The following ZNF607 variants were observed in gnomAD, a reference collection of about 807,000 sequenced individuals.
The protein encoded by ZNF607 is zinc finger protein 607.
ZNF607 carries 5 observed loss-of-function variants against 12.8 expected under a neutral mutation model. That is an observed-to-expected ratio of 0.39 (90% CI 0.20 to 0.82). The LOEUF is 0.82. Among genes scored for constraint, ZNF607 ranks in the 40% least tolerant of loss-of-function variants. The probability of loss-of-function intolerance (pLI) is 0.39; values close to 1 mark genes in which losing one functional copy is unlikely to be tolerated. For synonymous variants in ZNF607, 287 were observed against 276.2 expected, an observed-to-expected ratio of 1.04 and a Z score of -0.39; for missense variants, 851 against 859.2, an observed-to-expected ratio of 0.99 and a Z score of 0.12.
intron 1 of ZNF607, among the ~76,000 whole-genome samples, chr19:37,715,628 ATAAG>A (rs1002453217): frequency 2.0e-5 from 3 of 151,882 alleles, no homozygotes; most frequent in African/African-American, 7.3e-5. Flanking sequence ...AGATGATCAG[ATAAG>A]TAAGGAGAAA....
rs761246935 is a variant in ZNF607, at chr19:37,709,696, C to G, written c.136G>C (p.Ala46Pro). 4 of 1,612,642 alleles carry G rather than the reference C, an allele frequency of 2.5e-6. No homozygotes were observed. Among genetic ancestry groups the G allele is most frequent in the Middle Eastern group, 1.7e-4 (1 of 6,054 alleles). ...AATCATTCCAGGTTGATAAACATAC[C>G]CAATGAGACTAAGTTGTCATAGTTC... ...MENYDNLVSL[A>P]GHSVSKPDLI... Residue 46 changes from alanine to proline, a missense_variant and splice_region_variant, in exon 3 of 5, where the codon GCA becomes CCA. Transcript: ENST00000355202.
At position 37,707,945 on chromosome 19, in the gene ZNF607, A is replaced by G; in HGVS notation, c.204T>C (p.Ile68=). 6.2e-7 allele frequency: 1 copy of G among 1,613,906 alleles called. No individual in the cohort carries two copies. The highest frequency in any genetic ancestry group is 8.5e-7 in the Non-Finnish European group (1 of 1,179,902). The change falls in exon 4 of 5, where the codon ATT becomes ATC. Residue 68 remains isoleucine (I), a synonymous_variant. Coordinates refer to ENST00000355202, the MANE Select transcript of ZNF607 (RefSeq NM_032689.5). Reference sequence around the variant, plus strand: ...ACTCTCCTCTTGTTTCTTCCCTCACAATCATCCATGGCTCTTTTCCTTGCT... The same window carrying G: ...ACTCTCCTCTTGTTTCTTCCCTCACGATCATCCATGGCTCTTTTCCTTGCT... ...LLEQGKEPWM[I]VREETRGECT... is the part of the protein sequence containing the mutation.
chr19:37,699,417 T>A lies in ZNF607; in HGVS notation c.714A>T (p.Gly238=). The A allele has an allele frequency of 6.2e-7, 1 of 1,614,156 alleles. No individual in the cohort carries two copies. The highest frequency in any genetic ancestry group is 8.5e-7 in the Non-Finnish European group (1 of 1,180,002). ...KECGKAFSVY[G]RLSRHQSIHT... The stretch of plus-strand genomic sequence containing the variant: ...GAATACTCTGATGTCGACTAAGTCG[T>A]CCATACACACTAAAGGCCTTGCCAC... Residue 238 remains glycine (G), a synonymous_variant, in exon 5 of 5, where the codon GGA becomes GGT. Transcript: ENST00000355202.
In ZNF607 at chr19:37,698,245, G is replaced by A. The variant is rs1482713665; in HGVS notation, c.1886C>T (p.Ala629Val). 2 of 1,614,010 alleles carry A rather than the reference G, an allele frequency of 1.2e-6. No individual in the cohort carries two copies. The highest frequency in any genetic ancestry group is 2.7e-5 in the African/African-American group (2 of 74,908). Residue 629 changes from alanine to valine, a missense_variant, in exon 5 of 5, where the codon GCC becomes GTC. By Grantham distance (64) the Ala-to-Val change is moderately conservative. Transcript: ENST00000355202. ...GCTTTCATGTCTAACAAGATATGAG[G>A]CACAGTGAAATGCCTTCCCACATCT... is the stretch of plus-strand genomic sequence containing the variant. ...CKRCGKAFHC[A>V]SYLVRHESVH... is the part of the protein sequence containing the mutation.
Position 37,698,987 on chromosome 19 carries a change from G to C in ZNF607, c.1144C>G (p.Arg382Gly), listed in dbSNP as rs562952448. Residue 382 changes from arginine (R) to glycine (G), a missense_variant, in exon 5 of 5, where the codon CGA becomes GGA. Coordinates refer to ENST00000355202, the MANE Select transcript of ZNF607 (RefSeq NM_032689.5). Reference sequence around the variant, plus strand: ...TTACCACTATGAATACCCTGATGTCGAGTAAGTCGTCCATGCACACTAAAG... The same window carrying C: ...TTACCACTATGAATACCCTGATGTCCAGTAAGTCGTCCATGCACACTAAAG... ...KAFSVHGRLTRHQGIHSGKKP... is the reference protein window; with the variant it reads ...KAFSVHGRLTGHQGIHSGKKP... 3 of 1,613,572 alleles carry C rather than the reference G, an allele frequency of 1.9e-6. No homozygotes were observed. Among genetic ancestry groups the C allele is most frequent in the Admixed American group, 3.3e-5 (2 of 59,930 alleles).
At position 37,719,572 on chromosome 19, in the gene ZNF607, A is replaced by T. The variant is rs2045206223; in HGVS notation, c.-378T>A. On this transcript the variant is annotated 5_prime_UTR_variant, in exon 1 of 5. Coordinates refer to ENST00000355202, the MANE Select transcript of ZNF607 (RefSeq NM_032689.5). ...TCAGGTGGAACCAAAAGGTCCCGGA[A>T]CCGGAGCCAGGGGTCCAAGTTTTCT... 1 of 152,364 alleles carries T rather than the reference A, an allele frequency of 6.6e-6. No homozygotes were observed. 9.4% of individuals were successfully genotyped at this position (152,364 alleles called of 1,614,324 possible).
chr19:37,713,021 A>T (rs915945598), intron 1 of ZNF607, among the ~76,000 whole-genome samples: 1 of 152,006 alleles, frequency 6.6e-6, no homozygotes, highest in Admixed American at 6.6e-5. Flanking sequence ...TTTCGTTCCT[A>T]AATCTGGCAG....
Position 37,699,554 on chromosome 19 carries a change from C to A in ZNF607, c.577G>T (p.Val193Phe). 6.2e-7 allele frequency: 1 copy of A among 1,614,044 alleles called. No homozygotes were observed. Among genetic ancestry groups the A allele is most frequent in the Non-Finnish European group, 8.5e-7 (1 of 1,179,998 alleles). Residue 193 changes from valine (V) to phenylalanine (F), a missense_variant, in exon 5 of 5, where the codon GTT becomes TTT. Physicochemically the swap from Val to Phe is conservative, Grantham distance 50. Coordinates refer to ENST00000355202, the MANE Select transcript of ZNF607 (RefSeq NM_032689.5). ...ANLAQHGKVH[V>F]EKPYECKECG... ...TCTTTACATTCATAGGGTTTCTCAA[C>A]ATGAACTTTCCCATGTTGAGCAAGG...
At chr19:37,712,459 C>T (rs2045141151) in intron 1 of ZNF607, among the ~76,000 whole-genome samples, 1 of 152,096 alleles carries the variant, frequency 6.6e-6, no homozygotes, top group Non-Finnish European at 1.5e-5. Context: ...TGCAGTGAGC[C>T]ATGATTGTGC....
At chr19:37,706,195 A>G (rs1313502897) in intron 4 of ZNF607, among the ~76,000 whole-genome samples, 1 of 151,766 alleles carries the variant, frequency 6.6e-6, no homozygotes, top group Non-Finnish European at 1.5e-5. Context: ...CTCTATCTCG[A>G]AAGATGGAAA....
In ZNF607 at chr19:37,710,477, A is replaced by AAAG. The variant is rs1555735220; in HGVS notation, c.10-656_10-655insCTT. On this transcript the variant is annotated intron_variant, in intron 2 of 4. Transcript: ENST00000355202. ...GCGAAACTCCATCTCAAAAAAAAAA[A>AAAG]AAAAGAAAAGAAAAACGAAAATGGA... Among the ~76,000 whole-genome samples, 176 of 142,384 alleles carry AAAG rather than the reference A, an allele frequency of 1.2e-3. 1 individual carries two copies. Among genetic ancestry groups the AAAG allele is most frequent in the Non-Finnish European group, 2.1e-3 (139 of 66,358 alleles). The allele number at this position is 142,384 out of a possible 152,430, so 93.4% of individuals were successfully genotyped here. A position where few individuals can be genotyped will look rare whatever the true frequency, so the allele number is the denominator to read the frequency against.
Position 37,696,917 on chromosome 19 carries a change from C to G in ZNF607, c.*1123G>C. On this transcript the variant is annotated 3_prime_UTR_variant, in exon 5 of 5. Transcript: ENST00000355202. ...TCAAAGACACGTCGTCCAGAATGAGCCCAAAGGTGGCTGCTCACTCCATAA... is the reference window on the plus strand; with the variant it reads ...TCAAAGACACGTCGTCCAGAATGAGGCCAAAGGTGGCTGCTCACTCCATAA... 1.5e-6 allele frequency: 1 copy of G among 673,910 alleles called. No homozygotes were observed. The highest frequency in any genetic ancestry group is 1.6e-5 in the South Asian group (1 of 62,154). 41.7% of individuals were successfully genotyped at this position (673,910 alleles called of 1,614,324 possible).
chr19:37,711,712 T>G lies in ZNF607; in HGVS notation c.-74-20A>C. On this transcript the variant is annotated intron_variant, in intron 1 of 4. Transcript: ENST00000355202. ...CAAGACCTGAAAGAAGAGAAGACCT[T>G]GAGACCAGCTGTGCTTTAGTGGTCC... 4.7e-6 allele frequency: 6 copies of G among 1,287,326 alleles called. No individual in the cohort carries two copies. The Admixed American group carries it at 1.0e-4, about 22-fold the overall frequency. 79.7% of individuals were successfully genotyped at this position (1,287,326 alleles called of 1,614,324 possible).
rs754518082 is a variant in ZNF607, at chr19:37,709,808, G to A, written c.24C>T (p.Phe8=). 26 of 1,613,448 alleles carry A rather than the reference G, an allele frequency of 1.6e-5. No homozygotes were observed. The highest frequency in any genetic ancestry group is 1.1e-4 in the East Asian group (5 of 44,870). ...GAGAGAAGTCTATGGCCACATCCCC[G>A]AATGTTATTGATCCCTGAAACAGCA... MSYGSIT[F]GDVAIDFSHQ... is the part of the protein sequence containing the mutation. The change falls in exon 3 of 5, where the codon TTC becomes TTT. Residue 8 remains phenylalanine (F), a synonymous_variant. Transcript: ENST00000355202.
At chr19:37,710,477 A>AAAAAG (rs1555735217) in intron 2 of ZNF607, among the ~76,000 whole-genome samples, 82,815 of 142,038 alleles carry the variant, frequency 0.58, 24,405 homozygotes, top group Middle Eastern at 0.66. Context: ...AAAAAAAAAA[A>AAAAAG]AAAAGAAAAG....
intron 4 of ZNF607, among the ~76,000 whole-genome samples, chr19:37,702,958 CT>C (rs1047615631): frequency 6.7e-4 from 98 of 146,290 alleles, no homozygotes; most frequent in Admixed American, 1.2e-3. Flanking sequence ...TTTATTTTTA[CT>C]TTTTTTTTTT....
At chr19:37,716,352 A>G (rs1331685187) in intron 1 of ZNF607, among the ~76,000 whole-genome samples, 3 of 152,152 alleles carry the variant, frequency 2.0e-5, no homozygotes, top group African/African-American at 7.2e-5. Context: ...GGTAGACTGG[A>G]GTCTCCTGTT....
Position 37,698,766 on chromosome 19 carries a change from C to T in ZNF607, c.1365G>A (p.Gly455=), listed in dbSNP as rs990425185. The T allele has an allele frequency of 6.2e-7, 1 of 1,613,774 alleles. No homozygotes were observed. Among genetic ancestry groups the T allele is most frequent in the East Asian group, 2.2e-5 (1 of 44,874 alleles). The change falls in exon 5 of 5, where the codon GGG becomes GGA. Residue 455 remains glycine, a synonymous_variant. Coordinates refer to ENST00000355202, the MANE Select transcript of ZNF607 (RefSeq NM_032689.5). ...GYKPFECKEC[G]KSFRCASYLV... is the part of the protein sequence containing the mutation. ...GATATGAGGCACAACGAAAGGACTT[C>T]CCACATTCTTTACATTCAAAGGGTT...
At position 37,697,910 on chromosome 19, in the gene ZNF607, T is replaced by A. The variant is rs539350399; in HGVS notation, c.*130A>T. ...TTTGAAAAGTTCACACCAATACAAA[T>A]TGATGCCTAATAAAAACTGAACTGT... On this transcript the variant is annotated 3_prime_UTR_variant, in exon 5 of 5. Transcript: ENST00000355202. 1,049 of 860,722 alleles carry A rather than the reference T, an allele frequency of 1.2e-3. No individual in the cohort carries two copies. The highest frequency in any genetic ancestry group is 1.7e-3 in the Non-Finnish European group (966 of 565,004). 53.3% of individuals were successfully genotyped at this position (860,722 alleles called of 1,614,324 possible).
Sources: allele counts gnomAD v4.1 joint callset (sites outside exome capture counted in the v4.1 genomes callset), GRCh38; gene constraint gnomAD v4.1.1; transcripts MANE v1.5; gene names NCBI Gene and HGNC (gene_info 2026-07-23, HGNC 2026-07-21).